Variants in BCAS3 observed in about 807,000 individuals in gnomAD.
BCAS3 encodes BCAS4/BCAS3 fusion.
A neutral mutation model predicts 116.1 loss-of-function variants in BCAS3; 53 were observed. That is an observed-to-expected ratio of 0.46 (90% CI 0.37 to 0.57). The LOEUF (loss-of-function observed/expected upper bound fraction) is 0.57. BCAS3 is among the 20% of genes least tolerant of loss of function. The pLI is 0.00. For missense variants in BCAS3, 917 were observed against 1,165.4 expected (o/e 0.79, Z 3.10); for synonymous variants, 391 against 408.2 (o/e 0.96, Z 0.51).
At chr17:60,747,395 C>G (rs1046984805) in intron 6 of BCAS3, 116 bp downstream of exon 6, 1 of 741,104 alleles carries the variant, frequency 1.3e-6, no homozygotes. Flanking sequence ...GTGTCCATTC[C>G]CCTTCCCCAC....
rs1601656369 is a variant in BCAS3 at position 61,162,746 on chromosome 17, G to A, written c.2425+78182G>A. ...ATGTCATAATGCCCTCCTTGGGGAG[G>A]AGCAACGTCTCCAGCCGAGGCTGCA... On this transcript the variant is annotated intron_variant, in intron 22 of 23. Coordinates refer to ENST00000407086, the MANE Select transcript of BCAS3 (RefSeq NM_017679.5). The surrounding 1 kb of genome is among the most constrained non-coding windows in gnomAD (Gnocchi z 5.6). Among the ~76,000 whole-genome samples, 4 of 152,290 alleles carry A rather than the reference G, an allele frequency of 2.6e-5. No homozygotes were observed. In the South Asian group the frequency reaches 6.2e-4, roughly 24 times the overall value.
rs769759860 is a variant in BCAS3, at chr17:60,808,107, C to T, written c.476+31C>T. On this transcript the variant is annotated intron_variant, in intron 7 of 23. Coordinates refer to ENST00000407086, the MANE Select transcript of BCAS3 (RefSeq NM_017679.5). The stretch of plus-strand genomic sequence containing the variant: ...GAAATTTTAAAAATTCTTTGTATCA[C>T]CTATTACAAATTTATATTATTCCAG... 2.8e-6 allele frequency: 4 copies of T among 1,409,156 alleles called. No homozygotes were observed. In the Admixed American group the frequency reaches 5.4e-5, roughly 19 times the overall value. 87.3% of individuals were successfully genotyped at this position (1,409,156 alleles called of 1,614,324 possible). A position where few individuals can be genotyped will look rare whatever the true frequency, so the allele number is the denominator to read the frequency against.
Position 61,110,199 on chromosome 17 carries a change from A to G in BCAS3, c.2425+25635A>G, listed in dbSNP as rs548960891. ...CAATTATCCTAGCACCATTTGTTGA[A>G]GAGTTTTTATGTATAGTTTTAAAAA... On this transcript the variant is annotated intron_variant, in intron 22 of 23. Coordinates refer to ENST00000407086, the MANE Select transcript of BCAS3 (RefSeq NM_017679.5). Among the ~76,000 whole-genome samples the G allele has an allele frequency of 3.3e-5, 5 of 152,338 alleles. No homozygotes were observed. In the East Asian group the frequency reaches 9.6e-4, roughly 29 times the overall value.
chr17:60,700,912 C>T (rs750049692), intron 4 of BCAS3, among the ~76,000 whole-genome samples: 3 of 152,026 alleles, frequency 2.0e-5, no homozygotes, highest in African/African-American at 7.2e-5. Flanking sequence ...AAAATAATGA[C>T]AGTTGTGAAT....
rs1025819626 is a variant in BCAS3, at chr17:61,073,139, A to C, written c.2030-1781A>C. 6.6e-6 allele frequency among the ~76,000 whole-genome samples: 1 copy of C among 152,218 alleles called. No homozygotes were observed. Among genetic ancestry groups the C allele is most frequent in the Non-Finnish European group, 1.5e-5 (1 of 68,032 alleles). ...ATTTCCAAAAGAATGCTGAAATAAT[A>C]GTTATTGTGATATTCTTTTCTTCTT... On this transcript the variant is annotated intron_variant, in intron 19 of 23. Coordinates refer to ENST00000407086, the MANE Select transcript of BCAS3 (RefSeq NM_017679.5). This position sits in a 1 kb window ranked among gnomAD's most constrained non-coding sequence, Gnocchi z 4.6.
At chr17:61,005,787 T>C (rs1313889104) in intron 15 of BCAS3, among the ~76,000 whole-genome samples, 2 of 151,690 alleles carry the variant, frequency 1.3e-5, no homozygotes, top group Non-Finnish European at 2.9e-5. Context: ...AATTTCTTTT[T>C]TTTCTTTTTT....
chr17:61,345,124 G>A (rs1273161989), intron 22 of BCAS3, among the ~76,000 whole-genome samples: 1 of 152,164 alleles, frequency 6.6e-6, no homozygotes, highest in African/African-American at 2.4e-5. Flanking sequence ...AAGAAAAGAA[G>A]TGACAAGGGC....
At chr17:61,311,632 C>T (rs1320090191) in intron 22 of BCAS3, among the ~76,000 whole-genome samples, 5 of 152,260 alleles carry the variant, frequency 3.3e-5, no homozygotes, top group South Asian at 2.1e-4. Context: ...CGGTGGCTCA[C>T]GCCTGTAATC....
At chr17:61,015,310 A>T (rs1238523081) in intron 15 of BCAS3, among the ~76,000 whole-genome samples, 1 of 152,186 alleles carries the variant, frequency 6.6e-6, no homozygotes, top group Non-Finnish European at 1.5e-5. Context: ...TTGTTTAGAG[A>T]CAGGGTCTCT....
chr17:61,060,063 A>G (rs1274889129), intron 19 of BCAS3, among the ~76,000 whole-genome samples: 3 of 152,214 alleles, frequency 2.0e-5, no homozygotes, highest in African/African-American at 7.2e-5. Flanking sequence ...TTGTTATACA[A>G]GATGAAAATA....
intron 22 of BCAS3, among the ~76,000 whole-genome samples, chr17:61,283,966 G>T (rs972575910): frequency 6.6e-6 from 1 of 152,148 alleles, no homozygotes; most frequent in East Asian, 1.9e-4. Context: ...TGATTCACCT[G>T]GGCAGCTTTA....
intron 22 of BCAS3, among the ~76,000 whole-genome samples, chr17:61,179,876 T>C (rs934873445): frequency 1.1e-4 from 16 of 145,988 alleles, no homozygotes; most frequent in East Asian, 9.8e-4. Flanking sequence ...CTCTCTCTCT[T>C]TTTTTTTTTT....
At chr17:60,879,513 G>C (rs1428817265) in intron 9 of BCAS3, among the ~76,000 whole-genome samples, 1 of 152,160 alleles carries the variant, frequency 6.6e-6, no homozygotes, top group African/African-American at 2.4e-5. Context: ...TAAAGAAAAA[G>C]TCGCCTTGAG....
Position 61,162,571 on chromosome 17 carries a change from T to G in BCAS3, c.2425+78007T>G, listed in dbSNP as rs1405575794. Among the ~76,000 whole-genome samples, 1 of 152,246 alleles carries G rather than the reference T, an allele frequency of 6.6e-6. No individual in the cohort carries two copies. The highest frequency in any genetic ancestry group is 2.4e-5 in the African/African-American group (1 of 41,462). On this transcript the variant is annotated intron_variant, in intron 22 of 23. Coordinates refer to ENST00000407086, the MANE Select transcript of BCAS3 (RefSeq NM_017679.5). This position sits in a 1 kb window ranked among gnomAD's most constrained non-coding sequence, Gnocchi z 5.6. The stretch of plus-strand genomic sequence containing the variant: ...AAGATGATTCCAGTAATAAGCCTTA[T>G]TGGTATGGTTCACTGATTTTTTTGG...
intron 6 of BCAS3, among the ~76,000 whole-genome samples, chr17:60,757,972 G>A (rs2043161943): frequency 6.6e-6 from 1 of 152,028 alleles, no homozygotes; most frequent in Non-Finnish European, 1.5e-5. Context: ...TTCATTTTAT[G>A]CATATGGATA....
rs966492121 is a variant in BCAS3 at position 60,748,868 on chromosome 17, G to C, written c.403+1589G>C. 5.9e-5 allele frequency: 9 copies of C among 152,054 alleles called. No individual in the cohort carries two copies. In the South Asian group the frequency reaches 1.9e-3, roughly 32 times the overall value. 9.4% of individuals were successfully genotyped at this position (152,054 alleles called of 1,614,324 possible). A position where few individuals can be genotyped will look rare whatever the true frequency, so the allele number is the denominator to read the frequency against. ...TTAAAATGTAATTTTATATGGGTAAGTTTTCTGTTATGATTTGAACAAATT... is the reference window on the plus strand; with the variant it reads ...TTAAAATGTAATTTTATATGGGTAACTTTTCTGTTATGATTTGAACAAATT... On this transcript the variant is annotated intron_variant, in intron 6 of 23. Coordinates refer to ENST00000407086, the MANE Select transcript of BCAS3 (RefSeq NM_017679.5).
rs568748024 is a variant in BCAS3 at position 61,008,130 on chromosome 17, G to A, written c.1487-7621G>A. Among the ~76,000 whole-genome samples the A allele has an allele frequency of 1.4e-4, 21 of 152,150 alleles. No individual in the cohort carries two copies. The highest frequency in any genetic ancestry group is 6.5e-4 in the Admixed American group (10 of 15,272). The stretch of plus-strand genomic sequence containing the variant: ...GCTCCTGTGAACAAGCATTGCTTCC[G>A]CCCAGTTTGGTATGTGGGTCAGAAG... On this transcript the variant is annotated intron_variant, in intron 15 of 23. Coordinates refer to ENST00000407086, the MANE Select transcript of BCAS3 (RefSeq NM_017679.5). The surrounding 1 kb of genome is among the most constrained non-coding windows in gnomAD (Gnocchi z 4.6).
rs1026831944 is a variant in BCAS3 at position 61,362,921 on chromosome 17, C to G, written c.2426-5406C>G. On this transcript the variant is annotated intron_variant, in intron 22 of 23. Coordinates refer to ENST00000407086, the MANE Select transcript of BCAS3 (RefSeq NM_017679.5). This position sits in a 1 kb window ranked among gnomAD's most constrained non-coding sequence, Gnocchi z 4.4. ...AACTCCACTTTCTGCCTACTCTGAC[C>G]CTAGATATTCAGGCTCTGGTACCCC... 1 of 152,122 alleles carries G rather than the reference C, an allele frequency of 6.6e-6. No homozygotes were observed. Among genetic ancestry groups the G allele is most frequent in the Non-Finnish European group, 1.5e-5 (1 of 68,040 alleles). 9.4% of individuals were successfully genotyped at this position (152,122 alleles called of 1,614,324 possible).
intron 22 of BCAS3, among the ~76,000 whole-genome samples, chr17:61,216,303 C>A (rs1243783405): frequency 6.6e-6 from 1 of 152,066 alleles, no homozygotes; most frequent in Non-Finnish European, 1.5e-5. Flanking sequence ...ACACAAGATG[C>A]CCCTAGTGGG....
Sources: allele counts gnomAD v4.1 joint callset (sites outside exome capture counted in the v4.1 genomes callset), GRCh38; gene constraint gnomAD v4.1.1; non-coding constraint Gnocchi (gnomAD v3.1); transcripts MANE v1.5; gene names NCBI Gene and HGNC (gene_info 2026-07-23, HGNC 2026-07-21).